ULK1: variants seen among roughly 807,000 people sequenced by gnomAD.
The protein encoded by ULK1 is unc-51 like autophagy activating kinase 1.
ULK1 carries 48 observed loss-of-function variants against 117.5 expected under a neutral mutation model. The ratio of observed to expected loss-of-function variants is 0.41; its 90% confidence interval spans 0.32 to 0.52. The LOEUF (loss-of-function observed/expected upper bound fraction) is 0.52, where lower values mean the gene tolerates loss of function less well. Among genes scored for constraint, ULK1 ranks in the 20% least tolerant of loss-of-function variants. The probability of loss-of-function intolerance (pLI) is 0.29; values close to 1 mark genes in which losing one functional copy is unlikely to be tolerated. For synonymous variants in ULK1, 790 were observed against 637.8 expected, an observed-to-expected ratio of 1.24 and a Z score of -3.60; for missense variants, 1,387 against 1,473.4, an observed-to-expected ratio of 0.94 and a Z score of 0.96.
At chr12:131,913,924 G>T (rs1396071697) in intron 15 of ULK1, 88 bp downstream of exon 15, 2 of 1,202,382 alleles carry the variant, frequency 1.7e-6, no homozygotes, top group Non-Finnish European at 2.2e-6. Flanking sequence ...GCCAGCCCAG[G>T]CCTGCTGTGT....
rs1381676524 is a variant in ULK1 at position 131,894,761 on chromosome 12, G to A, written c.-241G>A. On this transcript the variant is annotated 5_prime_UTR_variant, in exon 1 of 28. Coordinates refer to ENST00000321867, the MANE Select transcript of ULK1 (RefSeq NM_003565.4). Reference sequence around the variant, plus strand: ...ATCCGGATTCGGATTAGCAGCCCGGGAAGAGTGCCGTGGCACAGGCGCCGG... The same window carrying A: ...ATCCGGATTCGGATTAGCAGCCCGGAAAGAGTGCCGTGGCACAGGCGCCGG... 6.6e-6 allele frequency: 1 copy of A among 151,202 alleles called. No individual in the cohort carries two copies. Among genetic ancestry groups the A allele is most frequent in the South Asian group, 2.1e-4 (1 of 4,844 alleles). 9.4% of individuals were successfully genotyped at this position (151,202 alleles called of 1,614,324 possible).
intron 4 of ULK1, 97 bp downstream of exon 4, chr12:131,907,021 CCTTTT>C: frequency 5.8e-6 from 9 of 1,542,194 alleles, no homozygotes; most frequent in Non-Finnish European, 8.0e-6. Flanking sequence ...GTGATGAGCA[CCTTTT>C]CTTTTTTTTT....
intron 26 of ULK1, 193 bp from the exon 27 acceptor site, chr12:131,920,905 GGT>G (rs1566131422): frequency 8.0e-6 from 6 of 746,860 alleles, no homozygotes; most frequent in Admixed American, 6.0e-5. Flanking sequence ...AGGGTCATCT[GGT>G]TCCAGGCAGT....
intron 26 of ULK1, 74 bp from the exon 27 acceptor site, chr12:131,921,026 G>A (rs1017346890): frequency 6.2e-5 from 92 of 1,488,382 alleles, no homozygotes; most frequent in Middle Eastern, 2.2e-4. Context: ...GGCCGCTGCC[G>A]TGGGTGCAGG....
At position 131,916,579 on chromosome 12, in the gene ULK1, G is replaced by A. The variant is rs756975120; in HGVS notation, c.2060G>A (p.Gly687Asp). 1 of 1,579,332 alleles carries A rather than the reference G, an allele frequency of 6.3e-7. No individual in the cohort carries two copies. The highest frequency in any genetic ancestry group is 1.1e-5 in the South Asian group (1 of 88,852). The change falls in exon 20 of 28, where the codon GGC (glycine) becomes GAC (aspartate). Residue 687 changes from glycine to aspartate, a missense_variant. By Grantham distance (94) the Gly-to-Asp change is moderately conservative. This residue lies in a region of ULK1 where 900 missense variants were observed against 858.9 expected (regional missense o/e 1.05). Transcript: ENST00000321867. Reference protein sequence around the residue: ...PGLRPGEDPKGPFGRSFSTSR... With the variant: ...PGLRPGEDPKDPFGRSFSTSR... ...CTGCGGCCAGGCGAGGACCCCAAGG[G>A]CCCCTTTGGCCGGTGAGTTGAGGGG...
At position 131,915,202 on chromosome 12, in the gene ULK1, G is replaced by C. The variant is rs1467239563; in HGVS notation, c.1493G>C (p.Gly498Ala). The C allele has an allele frequency of 1.9e-6, 3 of 1,600,398 alleles. No homozygotes were observed. Among genetic ancestry groups the C allele is most frequent in the Non-Finnish European group, 2.6e-6 (3 of 1,174,188 alleles). Residue 498 changes from glycine to alanine, a missense_variant, in exon 17 of 28, where the codon GGA becomes GCA. Around this residue, in one of 4 missense-constraint regions of ULK1, gnomAD observed 900 missense variants for 858.9 expected, o/e 1.05. Transcript: ENST00000321867. ...CTGGCCAGGAAGATGTCTCTGGGTGGAGGCCGGCCCTACACGCCATCTCCT... is the reference window on the plus strand; with the variant it reads ...CTGGCCAGGAAGATGTCTCTGGGTGCAGGCCGGCCCTACACGCCATCTCCT... ...GVLARKMSLGGGRPYTPSPQV... is the reference protein window; with the variant it reads ...GVLARKMSLGAGRPYTPSPQV...
At position 131,918,528 on chromosome 12, in the gene ULK1, C is replaced by T. The variant is rs1889961596; in HGVS notation, c.2358C>T (p.Ala786=). 10 of 1,610,720 alleles carry T rather than the reference C, an allele frequency of 6.2e-6. No homozygotes were observed. In the South Asian group the frequency reaches 9.9e-5, roughly 16 times the overall value. The change falls in exon 23 of 28, where the codon GCC becomes GCT. Residue 786 remains alanine (A), a synonymous_variant. Transcript: ENST00000321867. ...CCACTGGCTCTGCCAGCTCTTCTGC[C>T]CGCCACCTGGTGCCTGGGCCCTGCA... is the stretch of plus-strand genomic sequence containing the variant. The part of the protein sequence containing the change: ...AGPTGSASSS[A]RHLVPGPCSE...
rs1401037848 is a variant in ULK1 at position 131,903,425 on chromosome 12, T to C, written c.247-3467T>C. 6.6e-6 allele frequency among the ~76,000 whole-genome samples: 1 copy of C among 152,110 alleles called. No homozygotes were observed. Among genetic ancestry groups the C allele is most frequent in the African/African-American group, 2.4e-5 (1 of 41,410 alleles). Reference sequence around the variant, plus strand: ...CGCCTCCCAACCTCTGGGGCCTCAGTGTGCTCGTATGGGAAGTGGGCTGGT... The same window carrying C: ...CGCCTCCCAACCTCTGGGGCCTCAGCGTGCTCGTATGGGAAGTGGGCTGGT... On this transcript the variant is annotated intron_variant, in intron 3 of 27. Transcript: ENST00000321867. The surrounding 1 kb of genome is among the most constrained non-coding windows in gnomAD (Gnocchi z 6.0).
rs746147934 is a variant in ULK1 at position 131,919,393 on chromosome 12, C to T, written c.2684+9C>T. The T allele has an allele frequency of 5.4e-5, 82 of 1,513,588 alleles. No individual in the cohort carries two copies. The highest frequency in any genetic ancestry group is 1.1e-4 in the African/African-American group (8 of 72,374). 93.8% of individuals were successfully genotyped at this position (1,513,588 alleles called of 1,614,324 possible). A position where few individuals can be genotyped will look rare whatever the true frequency, so the allele number is the denominator to read the frequency against. On this transcript the variant is annotated intron_variant, in intron 24 of 27. Coordinates refer to ENST00000321867, the MANE Select transcript of ULK1 (RefSeq NM_003565.4). Reference sequence around the variant, plus strand: ...CTGAGCCGAGAATGGGGGTGGGTGCCGCCAGGGCTGGGGTGGGGCGGGTGG... The same window carrying T: ...CTGAGCCGAGAATGGGGGTGGGTGCTGCCAGGGCTGGGGTGGGGCGGGTGG...
chr12:131,919,471 G>T lies in ULK1; in HGVS notation c.2685-1G>T. 6.2e-7 allele frequency: 1 copy of T among 1,609,704 alleles called. No homozygotes were observed. On this transcript the variant is annotated splice_acceptor_variant, in intron 24 of 27. Transcript: ENST00000321867. LOFTEE classifies it high-confidence loss of function. ...TCCTCTGATCTGCCTGCCGCCCCCA[G>T]CTTCGCGGAACAGCTGGTGCTGTAC...
At position 131,917,368 on chromosome 12, in the gene ULK1, G is replaced by A. The variant is rs201130793; in HGVS notation, c.2183-43G>A. 1.6e-4 allele frequency: 227 copies of A among 1,401,096 alleles called. 2 individuals carry two copies. The East Asian group carries it at 2.3e-3, about 14-fold the overall frequency. 86.8% of individuals were successfully genotyped at this position (1,401,096 alleles called of 1,614,324 possible). On this transcript the variant is annotated intron_variant, in intron 21 of 27. Coordinates refer to ENST00000321867, the MANE Select transcript of ULK1 (RefSeq NM_003565.4). ...GCTCGGAGGCTGTGGGATGGGGGTCGGCGGGAGTCAGGATGCTCCTGAGCC... is the reference window on the plus strand; with the variant it reads ...GCTCGGAGGCTGTGGGATGGGGGTCAGCGGGAGTCAGGATGCTCCTGAGCC...
chr12:131,910,808 G>A lies in ULK1; in HGVS notation c.948+8G>A. The A allele has an allele frequency of 6.2e-7, 1 of 1,612,120 alleles. No homozygotes were observed. The highest frequency in any genetic ancestry group is 8.5e-7 in the Non-Finnish European group (1 of 1,179,688). Reference sequence around the variant, plus strand: ...CACCTGGCCTCCCCGCCGGTGAGTTGCCGCCCCAGGGGCTTGGCAGCTTCT... The same window carrying A: ...CACCTGGCCTCCCCGCCGGTGAGTTACCGCCCCAGGGGCTTGGCAGCTTCT... On this transcript the variant is annotated splice_region_variant and intron_variant, in intron 12 of 27. Coordinates refer to ENST00000321867, the MANE Select transcript of ULK1 (RefSeq NM_003565.4).
intron 23 of ULK1, 99 bp downstream of exon 23, chr12:131,918,780 G>GT (rs1889988472): frequency 3.1e-6 from 3 of 983,402 alleles, no homozygotes; most frequent in East Asian, 6.5e-5. Flanking sequence ...TGGGGTGTCG[G>GT]GTGTGGGGTG....
intron 3 of ULK1, 184 bp from the exon 4 acceptor site, chr12:131,906,708 A>C (rs927920178): frequency 4.3e-6 from 3 of 701,928 alleles, no homozygotes; most frequent in Non-Finnish European, 7.3e-6. Flanking sequence ...GGCTGGCCAC[A>C]AAACAGAACA....
intron 26 of ULK1, chr12:131,920,634 C>T (rs977137878): frequency 7.3e-5 from 14 of 190,720 alleles, no homozygotes; most frequent in Admixed American, 4.9e-4. Context: ...GTAGTGTAGC[C>T]GCTAACTCCT....
Position 131,918,592 on chromosome 12 carries a change from G to A in ULK1, c.2422G>A (p.Gly808Ser), listed in dbSNP as rs199720244. Residue 808 changes from glycine (G) to serine (S), a missense_variant, in exon 23 of 28, where the codon GGC becomes AGC. Gly to Ser is a moderately conservative substitution (Grantham distance 56). This residue lies in a region of ULK1 where 900 missense variants were observed against 858.9 expected (regional missense o/e 1.05). Transcript: ENST00000321867. ...CCCTGAGCTCCCTGCTCCAGGACAC[G>A]GCTGCAGCTTTGCCGACCCCATTAC... ...PAPELPAPGHGCSFADPITAN... is the reference protein window; with the variant it reads ...PAPELPAPGHSCSFADPITAN... 4.7e-4 allele frequency: 762 copies of A among 1,610,792 alleles called. 2 individuals carry two copies. Among genetic ancestry groups the A allele is most frequent in the African/African-American group, 4.5e-4 (34 of 74,940 alleles).
Position 131,919,761 on chromosome 12 carries a change from A to G in ULK1, c.2803+171A>G, listed in dbSNP as rs115042609. 1.2e-3 allele frequency: 1,213 copies of G among 1,004,526 alleles called. 12 individuals carry two copies. In the African/African-American group the frequency reaches 0.017, roughly 14 times the overall value. The allele number at this position is 1,004,526 out of a possible 1,614,324, so 62.2% of individuals were successfully genotyped here. ...GAGCACAGAGGCCATTGGGTCGGAC[A>G]GCACCCTGGAGCCCAGTATGCAGAG... On this transcript the variant is annotated intron_variant, in intron 25 of 27. Transcript: ENST00000321867.
Position 131,903,407 on chromosome 12 carries a change from C to T in ULK1, c.247-3485C>T, listed in dbSNP as rs1460028353. Among the ~76,000 whole-genome samples, 2 of 152,226 alleles carry T rather than the reference C, an allele frequency of 1.3e-5. No homozygotes were observed. Among genetic ancestry groups the T allele is most frequent in the African/African-American group, 4.8e-5 (2 of 41,464 alleles). The stretch of plus-strand genomic sequence containing the variant: ...CATTTCCCAGCCTGGGCACGCCTCC[C>T]AACCTCTGGGGCCTCAGTGTGCTCG... On this transcript the variant is annotated intron_variant, in intron 3 of 27. Coordinates refer to ENST00000321867, the MANE Select transcript of ULK1 (RefSeq NM_003565.4). The surrounding 1 kb of genome is among the most constrained non-coding windows in gnomAD (Gnocchi z 6.0).
rs761935425 is a variant in ULK1 at position 131,908,654 on chromosome 12, G to A, written c.327G>A (p.Thr109=). 6.5e-6 allele frequency: 10 copies of A among 1,538,158 alleles called. No individual in the cohort carries two copies. The Admixed American group carries it at 1.2e-4, about 19-fold the overall frequency. The stretch of plus-strand genomic sequence containing the variant: ...CGCCTCTCCCCGCAGCCATGCGCAC[G>A]CTGAGCGAGGACACCATCAGGCTCT... The part of the protein sequence containing the change: ...DLADYLHAMR[T]LSEDTIRLFL... The change falls in exon 6 of 28, where the codon ACG becomes ACA. Residue 109 remains threonine (T), a synonymous_variant. Transcript: ENST00000321867.
Sources: allele counts gnomAD v4.1 joint callset (sites outside exome capture counted in the v4.1 genomes callset), GRCh38; gene constraint gnomAD v4.1.1; regional missense constraint gnomAD v4.1.1; non-coding constraint Gnocchi (gnomAD v3.1); transcripts MANE v1.5; gene names NCBI Gene and HGNC (gene_info 2026-07-23, HGNC 2026-07-21).